POLR1D: variants seen among roughly 807,000 people sequenced by gnomAD.
The protein encoded by POLR1D is DNA-directed RNA polymerases I and III subunit RPAC2.
A neutral mutation model predicts 10.8 loss-of-function variants in POLR1D; 8 were observed. The observed-to-expected ratio is 0.74, with a 90% CI of 0.43 to 1.33. POLR1D has a LOEUF of 1.33. Ranked by LOEUF, POLR1D falls within the 40% of genes most tolerant of loss-of-function variation. The pLI is 0.01. For synonymous variants in POLR1D, 54 were observed against 57.2 expected (o/e 0.94, Z 0.25); for missense variants, 152 against 161.7 (o/e 0.94, Z 0.32).
At chr13:27,641,050 T>G (rs1301119633) in intron 1 of POLR1D, among the ~76,000 whole-genome samples, 1 of 152,234 alleles carries the variant, frequency 6.6e-6, no homozygotes, top group South Asian at 2.1e-4. Flanking sequence ...ATTGTATTGT[T>G]ATTTTTTTGC....
chr13:27,639,435 T>C (rs942516262), intron 1 of POLR1D, among the ~76,000 whole-genome samples: 1 of 152,188 alleles, frequency 6.6e-6, no homozygotes, highest in African/African-American at 2.4e-5. Flanking sequence ...AACCCTATCA[T>C]CACCACCCCA....
chr13:27,665,536 T>A, intron 2 of POLR1D: 1 of 723,246 alleles, frequency 1.4e-6, no homozygotes. Context: ...ACTCAGAGTT[T>A]ACACTAGGTG....
intron 1 of POLR1D, among the ~76,000 whole-genome samples, chr13:27,643,727 G>C (rs1166975922): frequency 1.3e-5 from 2 of 152,084 alleles, no homozygotes; most frequent in Non-Finnish European, 2.9e-5. Context: ...CCATAGTAAG[G>C]TTTCTTTTAC....
chr13:27,623,736 A>C (rs1955978471), downstream of POLR1D, among the ~76,000 whole-genome samples: 1 of 152,188 alleles, frequency 6.6e-6, no homozygotes, highest in Admixed American at 6.5e-5. Context: ...CTTTTAAAGA[A>C]TTGCATCATT....
chr13:27,625,432 G>A (rs1220563709), downstream of POLR1D, among the ~76,000 whole-genome samples: 1 of 152,120 alleles, frequency 6.6e-6, no homozygotes, highest in African/African-American at 2.4e-5. Flanking sequence ...TTCAGGAACT[G>A]TGGAAGATGA....
chr13:27,647,492 G>T (rs899687687), intron 1 of POLR1D, among the ~76,000 whole-genome samples: 2 of 151,790 alleles, frequency 1.3e-5, no homozygotes, highest in African/African-American at 4.8e-5. Context: ...CAAAGTACTG[G>T]GATTACAGGC....
At position 27,661,216 on chromosome 13, in the gene POLR1D, T is replaced by TGAA. The variant is rs544020999; in HGVS notation, c.102-4470_102-4469insGAA. Among the ~76,000 whole-genome samples the TGAA allele has an allele frequency of 3.3e-4, 50 of 152,306 alleles. No homozygotes were observed. The South Asian group carries it at 0.01, about 31-fold the overall frequency. ...GGTTTCAAAGTGAAGGAAATTGCTT[T>TGAA]CCTTTTAAAGTTTAACCTGGATAGA... On this transcript the variant is annotated intron_variant, in intron 2 of 2. Transcript: ENST00000399697.
At chr13:27,645,311 AG>A (rs1218383395) in intron 1 of POLR1D, among the ~76,000 whole-genome samples, 1 of 152,132 alleles carries the variant, frequency 6.6e-6, no homozygotes, top group Non-Finnish European at 1.5e-5. Context: ...CAATTTCTCC[AG>A]GATTTGCTGC....
intron 1 of POLR1D, among the ~76,000 whole-genome samples, chr13:27,647,854 G>A (rs1243007902): frequency 1.3e-5 from 2 of 152,028 alleles, no homozygotes; most frequent in Non-Finnish European, 2.9e-5. Context: ...TAGATCAACT[G>A]GTATATACTA....
chr13:27,654,021 A>C (rs1226895364), intron 2 of POLR1D, among the ~76,000 whole-genome samples: 1 of 152,254 alleles, frequency 6.6e-6, no homozygotes, highest in East Asian at 1.9e-4. Context: ...GAGAGCTGGC[A>C]AGAAACAACC....
chr13:27,664,240 G>T (rs1956393876), intron 2 of POLR1D, among the ~76,000 whole-genome samples: 1 of 152,268 alleles, frequency 6.6e-6, no homozygotes, highest in South Asian at 2.1e-4. Context: ...GCAGCGTAAT[G>T]CTGGTGTACC....
At chr13:27,656,437 G>C (rs537008775) in intron 2 of POLR1D, among the ~76,000 whole-genome samples, 10 of 152,110 alleles carry the variant, frequency 6.6e-5, no homozygotes, top group African/African-American at 2.4e-4. Context: ...ACTTAGCAGA[G>C]CTAGGCTCTG....
intron 2 of POLR1D, among the ~76,000 whole-genome samples, chr13:27,656,002 T>C (rs1415726693): frequency 3.5e-5 from 5 of 143,284 alleles, no homozygotes; most frequent in Admixed American, 3.4e-4. Flanking sequence ...TGACTATTCA[T>C]CTGTAATACT....
upstream of POLR1D, chr13:27,621,640 GT>G (rs1955920868): frequency 5.5e-6 from 1 of 180,242 alleles, no homozygotes; most frequent in Non-Finnish European, 1.1e-5. Flanking sequence ...AGGTACCAGA[GT>G]TGAGCCGGGG....
At chr13:27,620,858 A>G (rs933071586), upstream of POLR1D, 4 of 152,700 alleles carry the variant, frequency 2.6e-5, no homozygotes, top group African/African-American at 7.2e-5. Flanking sequence ...GGCCGCCGCC[A>G]AGAGTGGCAC....
At chr13:27,624,178 T>G (rs941093916), downstream of POLR1D, among the ~76,000 whole-genome samples, 2 of 152,216 alleles carry the variant, frequency 1.3e-5, no homozygotes, top group Non-Finnish European at 2.9e-5. Flanking sequence ...TACTCTTAAG[T>G]CAAAGCTTAT....
intron 1 of POLR1D, among the ~76,000 whole-genome samples, chr13:27,629,890 A>G (rs1032906425): frequency 4.6e-5 from 7 of 152,142 alleles, no homozygotes; most frequent in Non-Finnish European, 1.0e-4. Flanking sequence ...TAAAAACTGC[A>G]TTAAAAAGAC....
intron 1 of POLR1D, among the ~76,000 whole-genome samples, chr13:27,629,035 G>A (rs1160416503): frequency 2.6e-5 from 4 of 152,114 alleles, no homozygotes; most frequent in African/African-American, 7.2e-5. Context: ...TGTTGCCCAG[G>A]CTGGTCTTGA....
At chr13:27,640,796 C>G (rs952876839) in intron 1 of POLR1D, among the ~76,000 whole-genome samples, 7 of 151,912 alleles carry the variant, frequency 4.6e-5, no homozygotes, top group Non-Finnish European at 8.8e-5. Flanking sequence ...CCTCAGTATC[C>G]CTGGGGGATT....
Sources: gnomAD v4.1 joint callset for allele counts (sites outside exome capture counted in the v4.1 genomes callset) on GRCh38, gnomAD v4.1.1 for gene constraint, MANE v1.5 for transcripts, NCBI Gene and HGNC (gene_info 2026-07-23, HGNC 2026-07-21) for gene names.